MRLN: variants seen among roughly 807,000 people sequenced by gnomAD.
MRLN encodes myoregulin, also known as Linc-RNA activator of myogenesis.
chr10:59,749,171 C>A (rs1841072782), intron 1 of MRLN, among the ~76,000 whole-genome samples: 1 of 152,202 alleles, frequency 6.6e-6, no homozygotes, highest in Non-Finnish European at 1.5e-5. Flanking sequence ...TTATTCATAG[C>A]TAAAGTTCAG....
chr10:59,742,373 C>T (rs1359024283), intron 1 of MRLN, among the ~76,000 whole-genome samples: 1 of 152,014 alleles, frequency 6.6e-6, no homozygotes, highest in African/African-American at 2.4e-5. Flanking sequence ...AAGACAACAG[C>T]GTAAGTACAT....
chr10:59,745,776 G>C lies in MRLN; in HGVS notation c.-124-7214C>G, dbSNP rs114403074. 5.3e-3 allele frequency among the ~76,000 whole-genome samples: 804 copies of C among 152,138 alleles called. 9 individuals carry two copies. Among genetic ancestry groups the C allele is most frequent in the African/African-American group, 0.019 (774 of 41,480 alleles). ...AGGAACCCCTGGTTTCTAGGAGCTG[G>C]ACTTCATTGTATCCTCTGTTCTTCA... On this transcript the variant is annotated intron_variant, in intron 1 of 2. Coordinates refer to ENST00000414264, the MANE Select transcript of MRLN (RefSeq NM_001304731.2).
At chr10:59,750,184 T>C (rs1475383267) in intron 1 of MRLN, among the ~76,000 whole-genome samples, 1 of 148,560 alleles carries the variant, frequency 6.7e-6, no homozygotes, top group Non-Finnish European at 1.5e-5. Context: ...GTAATTCTCC[T>C]GCCTCAGCCC....
intron 1 of MRLN, among the ~76,000 whole-genome samples, chr10:59,749,811 C>T (rs560030436): frequency 6.6e-6 from 1 of 152,238 alleles, no homozygotes; most frequent in African/African-American, 2.4e-5. Context: ...TGCAGCCCAG[C>T]CATGAAGAGG....
chr10:59,744,503 C>T (rs563867962), intron 1 of MRLN, among the ~76,000 whole-genome samples: 6 of 150,932 alleles, frequency 4.0e-5, no homozygotes, highest in Admixed American at 3.3e-4. Context: ...GCAGCCCCCG[C>T]CCGGCTGCCA....
At chr10:59,738,325 T>A (rs1309808886) in intron 2 of MRLN, 134 bp downstream of exon 2, 1 of 152,228 alleles carries the variant, frequency 6.6e-6, no homozygotes. Flanking sequence ...CCAGCTTGTG[T>A]TTCTTCAGTC....
chr10:59,740,818 A>G (rs1388372555), intron 1 of MRLN, among the ~76,000 whole-genome samples: 1 of 138,434 alleles, frequency 7.2e-6, no homozygotes, highest in Non-Finnish European at 1.5e-5. Context: ...TTTTTTTGAG[A>G]CAGAGTCTCT....
chr10:59,749,322 C>T (rs542612966), intron 1 of MRLN, among the ~76,000 whole-genome samples: 98 of 152,310 alleles, frequency 6.4e-4, no homozygotes, highest in Non-Finnish European at 1.2e-3. Flanking sequence ...TAAGAGGTGA[C>T]CAAGGATTTT....
chr10:59,749,774 G>T (rs1841080359), intron 1 of MRLN, among the ~76,000 whole-genome samples: 2 of 152,156 alleles, frequency 1.3e-5, no homozygotes, highest in Admixed American at 1.3e-4. Context: ...CAGTGAAGCA[G>T]CAGATTCAGA....
At chr10:59,746,697 C>G (rs1841047266) in intron 1 of MRLN, among the ~76,000 whole-genome samples, 1 of 152,232 alleles carries the variant, frequency 6.6e-6, no homozygotes, top group Non-Finnish European at 1.5e-5. Context: ...CACTTTATAA[C>G]AGTTAGTTGC....
chr10:59,749,801 T>C (rs1841080653), intron 1 of MRLN, among the ~76,000 whole-genome samples: 2 of 152,142 alleles, frequency 1.3e-5, no homozygotes, highest in Admixed American at 1.3e-4. Flanking sequence ...GCCACTTCCT[T>C]GCAGCCCAGC....
Position 59,753,425 on chromosome 10 carries a change from G to T in MRLN, c.-196C>A, listed in dbSNP as rs2070188870. The stretch of plus-strand genomic sequence containing the variant: ...CTCTCTTTTATGAAAAACACCATAT[G>T]GTCTTGGTGGATCAGGAGGCTCACT... On this transcript the variant is annotated 5_prime_UTR_variant, in exon 1 of 3. Transcript: ENST00000414264. 6.6e-6 allele frequency: 1 copy of T among 152,120 alleles called. No individual in the cohort carries two copies. Among genetic ancestry groups the T allele is most frequent in the Admixed American group, 6.5e-5 (1 of 15,272 alleles). 9.4% of individuals were successfully genotyped at this position (152,120 alleles called of 1,614,324 possible). A position where few individuals can be genotyped will look rare whatever the true frequency, so the allele number is the denominator to read the frequency against.
chr10:59,744,454 A>C (rs972126854), intron 1 of MRLN, among the ~76,000 whole-genome samples: 2 of 150,206 alleles, frequency 1.3e-5, no homozygotes, highest in South Asian at 2.1e-4. Context: ...GGCGGGGAGC[A>C]GCCGCGCCCG....
intron 2 of MRLN, among the ~76,000 whole-genome samples, chr10:59,737,431 T>A (rs565855259): frequency 1.3e-5 from 2 of 152,284 alleles, no homozygotes; most frequent in Admixed American, 6.5e-5. Context: ...CTTTTCTCTA[T>A]GCCAAACTTG....
intron 1 of MRLN, among the ~76,000 whole-genome samples, chr10:59,746,118 A>C (rs1307655879): frequency 2.0e-5 from 3 of 152,220 alleles, no homozygotes; most frequent in Non-Finnish European, 4.4e-5. Flanking sequence ...CATTGGATTC[A>C]AGTTTATAAT....
At chr10:59,746,925 G>A (rs1841049809) in intron 1 of MRLN, among the ~76,000 whole-genome samples, 1 of 152,114 alleles carries the variant, frequency 6.6e-6, no homozygotes, top group African/African-American at 2.4e-5. Context: ...TCAGCCTCCT[G>A]AGTAGCTGGG....
At chr10:59,744,502 GC>G (rs1564726337) in intron 1 of MRLN, among the ~76,000 whole-genome samples, 1 of 148,646 alleles carries the variant, frequency 6.7e-6, no homozygotes, top group Non-Finnish European at 1.5e-5. Flanking sequence ...GGCAGCCCCC[GC>G]CCGGCTGCCA....
intron 1 of MRLN, among the ~76,000 whole-genome samples, chr10:59,746,110 T>C (rs930041576): frequency 6.6e-6 from 1 of 152,228 alleles, no homozygotes; most frequent in African/African-American, 2.4e-5. Context: ...ACACTTTTCA[T>C]TGGATTCAAG....
intron 1 of MRLN, among the ~76,000 whole-genome samples, chr10:59,743,756 A>G (rs936443599): frequency 6.6e-6 from 1 of 150,776 alleles, no homozygotes; most frequent in African/African-American, 2.4e-5. Flanking sequence ...ACTCACTGCA[A>G]CCTCCCTGCC....
Sources: allele counts gnomAD v4.1 joint callset (sites outside exome capture counted in the v4.1 genomes callset), GRCh38; gene constraint gnomAD v4.1.1; transcripts MANE v1.5; gene names NCBI Gene and HGNC (gene_info 2026-07-23, HGNC 2026-07-21).